Variants in CDC14A observed in about 807,000 individuals in gnomAD.
CDC14A encodes the protein dual specificity protein phosphatase CDC14A.
CDC14A carries 53 observed loss-of-function variants against 74.4 expected under a neutral mutation model. The ratio of observed to expected loss-of-function variants is 0.71; its 90% CI spans 0.57 to 0.89. The LOEUF (loss-of-function observed/expected upper bound fraction) is 0.89, where lower values mean the gene tolerates loss of function less well. Ranked by LOEUF, CDC14A falls within the 40% of genes least tolerant of loss-of-function variation. The probability of loss-of-function intolerance (pLI) is 0.00; values close to 1 mark genes in which losing one functional copy is unlikely to be tolerated. For missense variants in CDC14A, 646 were observed against 713.7 expected (o/e 0.91, Z 1.08); for synonymous variants, 247 against 258.4 (o/e 0.96, Z 0.43).
At chr1:100,417,215 G>A (rs1661650876) in intron 4 of CDC14A, among the ~76,000 whole-genome samples, 2 of 152,174 alleles carry the variant, frequency 1.3e-5, no homozygotes, top group African/African-American at 4.8e-5. Flanking sequence ...GGAAACGGAG[G>A]AGGTGGCATC....
rs767217037 is a variant in CDC14A, at chr1:100,498,986, T to C, written c.1479T>C (p.Asp493=). The change falls in exon 15 of 16, where the codon GAT becomes GAC. Residue 493 remains aspartate, a synonymous_variant. Transcript: ENST00000336454. ...SSLGNLNAAT[D]DPENKKTSSS... ...TAGGGAACTTGAATGCTGCAACAGA[T>C]GATCCAGAGAACAAAAAGACCTCCT... 1 of 1,614,204 alleles carries C rather than the reference T, an allele frequency of 6.2e-7. No individual in the cohort carries two copies. Among genetic ancestry groups the C allele is most frequent in the Non-Finnish European group, 8.5e-7 (1 of 1,180,034 alleles).
In CDC14A at chr1:100,439,976, A is replaced by G; in HGVS notation, c.434A>G (p.Asp145Gly). Residue 145 changes from aspartate to glycine, a missense_variant, in exon 6 of 16, where the codon GAC becomes GGC. Transcript: ENST00000336454. ...GNCTYNLTIL[D>G]CLQGIRKGLQ... is the part of the protein sequence containing the mutation. ...TGCACTTACAATCTCACCATTCTCG[A>G]CTGTTTGCAGGGAATCAGAAAGGTA... The G allele has an allele frequency of 3.1e-6, 5 of 1,613,328 alleles. No homozygotes were observed. The highest frequency in any genetic ancestry group is 2.2e-5 in the East Asian group (1 of 44,856).
chr1:100,453,244 A>T (rs931896679), intron 7 of CDC14A, among the ~76,000 whole-genome samples: 1 of 152,246 alleles, frequency 6.6e-6, no homozygotes, highest in Non-Finnish European at 1.5e-5. Flanking sequence ...ATGATTAATT[A>T]TAAAAGGTTG....
intron 1 of CDC14A, among the ~76,000 whole-genome samples, chr1:100,353,331 G>C (rs1651388639): frequency 6.6e-6 from 1 of 152,296 alleles, no homozygotes; most frequent in African/African-American, 2.4e-5. Flanking sequence ...ACCATCGCAG[G>C]CTTCGGTTTT....
At chr1:100,358,372 T>C (rs1266184790) in intron 2 of CDC14A, among the ~76,000 whole-genome samples, 5 of 152,250 alleles carry the variant, frequency 3.3e-5, no homozygotes, top group Admixed American at 3.3e-4. Context: ...TTATGACATC[T>C]GTGTGCCCCT....
rs1303106015 is a variant in CDC14A at position 100,462,691 on chromosome 1, C to G, written c.648C>G (p.Phe216Leu). 1.2e-6 allele frequency: 2 copies of G among 1,614,076 alleles called. No homozygotes were observed. Among genetic ancestry groups the G allele is most frequent in the Non-Finnish European group, 1.7e-6 (2 of 1,180,000 alleles). Residue 216 changes from phenylalanine (F) to leucine (L), a missense_variant, in exon 9 of 16, where the codon TTC (phenylalanine) becomes TTG (leucine). By Grantham distance (22) the Phe-to-Leu change is conservative. Transcript: ENST00000336454. ...CCCCTGAAGCCTACTTTCCTTATTTCAAAAAGCATAATGTGACTGCAGTTG... is the reference window on the plus strand; with the variant it reads ...CCCCTGAAGCCTACTTTCCTTATTTGAAAAAGCATAATGTGACTGCAGTTG... The part of the protein sequence containing the change: ...LHAPEAYFPY[F>L]KKHNVTAVVR...
intron 10 of CDC14A, among the ~76,000 whole-genome samples, chr1:100,479,314 G>A (rs1466499446): frequency 6.6e-6 from 1 of 152,026 alleles, no homozygotes; most frequent in Non-Finnish European, 1.5e-5. Context: ...GATACAAGTG[G>A]TTATTGGTTA....
chr1:100,378,186 T>C (rs1435500218), intron 3 of CDC14A, among the ~76,000 whole-genome samples: 1 of 152,242 alleles, frequency 6.6e-6, no homozygotes, highest in Admixed American at 6.5e-5. Context: ...TGATTTCACA[T>C]GGGTATCTGG....
chr1:100,430,970 C>T (rs569896964), intron 5 of CDC14A, among the ~76,000 whole-genome samples: 113 of 152,230 alleles, frequency 7.4e-4, no homozygotes, highest in African/African-American at 2.4e-3. Flanking sequence ...GAAGCTAATT[C>T]GCGTTAGTTT....
At chr1:100,389,219 G>A (rs971958824) in intron 3 of CDC14A, among the ~76,000 whole-genome samples, 4 of 146,762 alleles carry the variant, frequency 2.7e-5, no homozygotes, top group African/African-American at 7.6e-5. Flanking sequence ...AGATAAAAGG[G>A]TACAGCCATT....
At chr1:100,403,220 C>T (rs1659509394) in intron 4 of CDC14A, among the ~76,000 whole-genome samples, 1 of 152,200 alleles carries the variant, frequency 6.6e-6, no homozygotes, top group Non-Finnish European at 1.5e-5. Context: ...ACGCCATTCA[C>T]ATGTATAATT....
chr1:100,514,107 C>T (rs560169470), intron 15 of CDC14A, among the ~76,000 whole-genome samples: 1 of 30,528 alleles, frequency 3.3e-5, no homozygotes, highest in Non-Finnish European at 1.5e-3. Context: ...AAATTAAAAT[C>T]TCTTGGTTAT....
rs78315260 is a variant in CDC14A, at chr1:100,443,122, G to T, written c.519+126G>T. 29,560 of 652,940 alleles carry T rather than the reference G, an allele frequency of 0.045. 788 individuals carry two copies. The highest frequency in any genetic ancestry group is 0.056 in the Non-Finnish European group (21,138 of 379,102). 40.4% of individuals were successfully genotyped at this position (652,940 alleles called of 1,614,324 possible). ...AAGCATTCTGGAGTTTTCCATAGTG[G>T]TCAGTTTTGTCCTTTCAGCCTTGGT... is the stretch of plus-strand genomic sequence containing the variant. On this transcript the variant is annotated intron_variant, in intron 7 of 15. Coordinates refer to ENST00000336454, the MANE Select transcript of CDC14A (RefSeq NM_003672.4).
rs1426657385 is a variant in CDC14A at position 100,484,416 on chromosome 1, C to A, written c.1102C>A (p.Leu368Ile). ...GLDDMSIGGN[L>I]SKTQNMERFG... Reference sequence around the variant, plus strand: ...AGATGATATGTCTATTGGTGGAAATCTTTCAAAAACACAAAACATGGAACG... The same window carrying A: ...AGATGATATGTCTATTGGTGGAAATATTTCAAAAACACAAAACATGGAACG... The change falls in exon 11 of 16, where the codon CTT (leucine) becomes ATT (isoleucine). Residue 368 changes from leucine to isoleucine, a missense_variant. Transcript: ENST00000336454. The A allele has an allele frequency of 6.2e-7, 1 of 1,605,376 alleles. No homozygotes were observed. Among genetic ancestry groups the A allele is most frequent in the South Asian group, 1.1e-5 (1 of 89,334 alleles).
At chr1:100,420,657 CA>C (rs1662255341) in intron 4 of CDC14A, among the ~76,000 whole-genome samples, 1 of 152,024 alleles carries the variant, frequency 6.6e-6, no homozygotes, top group Non-Finnish European at 1.5e-5. Flanking sequence ...CATTTTACAT[CA>C]AATTGATTTA....
intron 2 of CDC14A, among the ~76,000 whole-genome samples, chr1:100,361,056 T>G (rs569670945): frequency 6.6e-6 from 1 of 151,116 alleles, no homozygotes; most frequent in East Asian, 1.9e-4. Flanking sequence ...AAGCCAGAAG[T>G]AAATGACTTT....
At chr1:100,390,244 T>C (rs114977608) in intron 3 of CDC14A, among the ~76,000 whole-genome samples, 1 of 152,230 alleles carries the variant, frequency 6.6e-6, no homozygotes, top group South Asian at 2.1e-4. Flanking sequence ...GGTTGTTATA[T>C]AACATCCCAG....
intron 5 of CDC14A, among the ~76,000 whole-genome samples, chr1:100,434,318 A>C (rs933004102): frequency 6.6e-6 from 1 of 152,112 alleles, no homozygotes; most frequent in Admixed American, 6.5e-5. Flanking sequence ...TGACTTGCAG[A>C]TGTGCAGGTT....
intron 11 of CDC14A, among the ~76,000 whole-genome samples, chr1:100,488,754 T>TA (rs563423201): frequency 1.0e-3 from 154 of 152,350 alleles, no homozygotes; most frequent in Middle Eastern, 6.8e-3. Context: ...TTGTGATTTA[T>TA]AAAATCCATC....
Sources: gnomAD v4.1 joint callset for allele counts (sites outside exome capture counted in the v4.1 genomes callset) on GRCh38, gnomAD v4.1.1 for gene constraint, MANE v1.5 for transcripts, NCBI Gene and HGNC (gene_info 2026-07-23, HGNC 2026-07-21) for gene names.